MYC: variants seen among roughly 807,000 people sequenced by gnomAD.
MYC encodes the protein myc proto-oncogene protein.
A neutral mutation model predicts 30.5 loss-of-function variants in MYC; 1 was observed. The ratio of observed to expected loss-of-function variants is 0.03; its 90% CI spans 0.01 to 0.16. The LOEUF (loss-of-function observed/expected upper bound fraction) is 0.16. Ranked by LOEUF, MYC falls within the 10% of genes least tolerant of loss-of-function variation. The probability of loss-of-function intolerance (pLI) is 1.00; values close to 1 mark genes in which losing one functional copy is unlikely to be tolerated. For missense variants in MYC, 508 were observed against 589.0 expected (o/e 0.86, Z 1.42); for synonymous variants, 267 against 250.7 (o/e 1.07, Z -0.62).
At chr8:127,737,904 C>T (rs1813626978) in intron 1 of MYC, among the ~76,000 whole-genome samples, 1 of 152,228 alleles carries the variant, frequency 6.6e-6, no homozygotes, top group Non-Finnish European at 1.5e-5. Flanking sequence ...TTCCTCACCG[C>T]CACCTCCCGC....
rs2130108479 is a variant in MYC at position 127,740,980 on chromosome 8, C to G, written c.*22C>G. 6.6e-7 allele frequency: 1 copy of G among 1,526,238 alleles called. No individual in the cohort carries two copies. Among genetic ancestry groups the G allele is most frequent in the Non-Finnish European group, 8.8e-7 (1 of 1,142,546 alleles). The allele number at this position is 1,526,238 out of a possible 1,614,324, so 94.5% of individuals were successfully genotyped here. On this transcript the variant is annotated 3_prime_UTR_variant, in exon 3 of 3. Coordinates refer to ENST00000621592, the MANE Select transcript of MYC (RefSeq NM_002467.6). Reference sequence around the variant, plus strand: ...GTAAGGAAAAGTAAGGAAAACGATTCCTTCTAACAGAAATGTCCTGAGCAA... The same window carrying G: ...GTAAGGAAAAGTAAGGAAAACGATTGCTTCTAACAGAAATGTCCTGAGCAA...
intron 2 of MYC, among the ~76,000 whole-genome samples, chr8:127,739,501 C>A (rs1335777531): frequency 6.6e-6 from 1 of 152,110 alleles, no homozygotes. Flanking sequence ...TGCCTGAGTG[C>A]GGGAGCCAGT....
At position 127,740,823 on chromosome 8, in the gene MYC, C is replaced by A. The variant is rs2130107210; in HGVS notation, c.1230C>A (p.Ile410=). 1 of 1,614,022 alleles carries A rather than the reference C, an allele frequency of 6.2e-7. No homozygotes were observed. Among genetic ancestry groups the A allele is most frequent in the Non-Finnish European group, 8.5e-7 (1 of 1,180,022 alleles). ...ATGAAAAGGCCCCCAAGGTAGTTAT[C>A]CTTAAAAAAGCCACAGCATACATCC... Residue 410 remains isoleucine, a synonymous_variant, in exon 3 of 3, where the codon ATC becomes ATA. Transcript: ENST00000621592.
At chr8:127,737,117 T>G (rs1236079309) in intron 1 of MYC, among the ~76,000 whole-genome samples, 1 of 152,292 alleles carries the variant, frequency 6.6e-6, no homozygotes, top group African/African-American at 2.4e-5. Context: ...ACCGCATTTC[T>G]GACAGCCGGA....
chr8:127,735,856 T>A, upstream of MYC: 1 of 398,756 alleles, frequency 2.5e-6, no homozygotes, highest in East Asian at 3.6e-5. Context: ...CGTAGTTAAT[T>A]CATGCGGCTC....
At position 127,740,948 on chromosome 8, in the gene MYC, C is replaced by CT. The variant is rs1813701187; in HGVS notation, c.1357dup (p.Cys453LeufsTer13). The CT allele has an allele frequency of 6.4e-7, 1 of 1,560,392 alleles. No individual in the cohort carries two copies. Among genetic ancestry groups the CT allele is most frequent in the Non-Finnish European group, 8.6e-7 (1 of 1,157,522 alleles). Reference sequence around the variant, plus strand: ...CACAAACTTGAACAGCTACGGAACTCTTGTGCGTAAGGAAAAGTAAGGAAA... The same window carrying CT: ...CACAAACTTGAACAGCTACGGAACTCTTTGTGCGTAAGGAAAAGTAAGGAAA... On this transcript the variant is annotated frameshift_variant, in exon 3 of 3. Transcript: ENST00000621592. LOFTEE classifies it high-confidence loss of function.
In MYC at chr8:127,741,130, T is replaced by C. The variant is rs1266830942; in HGVS notation, c.*172T>C. 3 of 455,832 alleles carry C rather than the reference T, an allele frequency of 6.6e-6. No homozygotes were observed. The highest frequency in any genetic ancestry group is 1.1e-5 in the Non-Finnish European group (3 of 270,708). 28.2% of individuals were successfully genotyped at this position (455,832 alleles called of 1,614,324 possible). ...AATTGGACTTTGGGCATAAAAGAAC[T>C]TTTTTATGCTTACCATCTTTTTTTT... On this transcript the variant is annotated 3_prime_UTR_variant, in exon 3 of 3. Transcript: ENST00000621592.
chr8:127,736,267 G>GC lies in MYC; in HGVS notation c.-326dup. On this transcript the variant is annotated 5_prime_UTR_variant, in exon 1 of 3. Transcript: ENST00000621592. Reference sequence around the variant, plus strand: ...GTAATTCCAGCGAGAGGCAGAGGGAGCGAGCGGGCGGCCGGCTAGGGTGGA... The same window carrying GC: ...GTAATTCCAGCGAGAGGCAGAGGGAGCCGAGCGGGCGGCCGGCTAGGGTGGA... 1.8e-6 allele frequency: 1 copy of GC among 541,012 alleles called. No homozygotes were observed. The highest frequency in any genetic ancestry group is 2.8e-5 in the South Asian group (1 of 36,090). The allele number at this position is 541,012 out of a possible 1,614,324, so 33.5% of individuals were successfully genotyped here. A position where few individuals can be genotyped will look rare whatever the true frequency, so the allele number is the denominator to read the frequency against.
chr8:127,737,015 G>C (rs971835428), intron 1 of MYC, among the ~76,000 whole-genome samples: 2 of 152,250 alleles, frequency 1.3e-5, no homozygotes, highest in Non-Finnish European at 2.9e-5. Context: ...TGAGCTCCTT[G>C]GAGTAGGGAC....
At chr8:127,740,139 A>G (rs971508196) in intron 2 of MYC, among the ~76,000 whole-genome samples, 1 of 151,884 alleles carries the variant, frequency 6.6e-6, no homozygotes, top group African/African-American at 2.4e-5. Flanking sequence ...TTGTAATTTT[A>G]GTAGAGATGG....
chr8:127,735,452 G>T (rs1813564441), upstream of MYC: 1 of 399,406 alleles, frequency 2.5e-6, no homozygotes, highest in Non-Finnish European at 4.4e-6. Flanking sequence ...TTCATAACGC[G>T]CTCTCCAAGT....
At position 127,737,912 on chromosome 8, in the gene MYC, C is replaced by G. The variant is rs1586588753; in HGVS notation, c.31-336C>G. On this transcript the variant is annotated intron_variant, in intron 1 of 2. Transcript: ENST00000621592. ...AATTGTTTTCCTCACCGCCACCTCC[C>G]GCGGCTTCTTAAGGGCGCCAGGGCC... 4.6e-5 allele frequency among the ~76,000 whole-genome samples: 7 copies of G among 152,356 alleles called. No individual in the cohort carries two copies. In the South Asian group the frequency reaches 1.4e-3, roughly 32 times the overall value.
intron 2 of MYC, 131 bp downstream of exon 2, chr8:127,739,150 C>A: frequency 9.5e-7 from 1 of 1,054,644 alleles, no homozygotes; most frequent in South Asian, 2.2e-5. Context: ...TTTGGGAGCT[C>A]ATCACCTCTG....
chr8:127,741,619 T>C lies in MYC; in HGVS notation c.*661T>C, dbSNP rs1011269784. Among the ~76,000 whole-genome samples the C allele has an allele frequency of 1.3e-5, 2 of 152,100 alleles. No homozygotes were observed. Among genetic ancestry groups the C allele is most frequent in the Non-Finnish European group, 2.9e-5 (2 of 68,004 alleles). On this transcript the variant is annotated 3_prime_UTR_variant, in exon 3 of 3. Transcript: ENST00000621592. ...CTAAGATGCTTCCTGGAGACTATGA[T>C]AACAGCCAGAGTTGACAGTTAGAAG...
Position 127,740,611 on chromosome 8 carries a change from G to T in MYC, c.1018G>T (p.Val340Phe), listed in dbSNP as rs1813694906. 1.2e-6 allele frequency: 2 copies of T among 1,613,934 alleles called. No individual in the cohort carries two copies. The highest frequency in any genetic ancestry group is 1.7e-6 in the Non-Finnish European group (2 of 1,180,028). The change falls in exon 3 of 3, where the codon GTC becomes TTC. Residue 340 changes from valine (V) to phenylalanine (F), a missense_variant. Physicochemically the swap from Val to Phe is conservative, Grantham distance 50. Transcript: ENST00000621592. ...GAAGGACTATCCTGCTGCCAAGAGG[G>T]TCAAGTTGGACAGTGTCAGAGTCCT... is the stretch of plus-strand genomic sequence containing the variant.
At position 127,738,403 on chromosome 8, in the gene MYC, G is replaced by C. The variant is rs1437767389; in HGVS notation, c.186G>C (p.Glu62Asp). 2 of 1,613,782 alleles carry C rather than the reference G, an allele frequency of 1.2e-6. No individual in the cohort carries two copies. Among genetic ancestry groups the C allele is most frequent in the African/African-American group, 1.3e-5 (1 of 74,902 alleles). Residue 62 changes from glutamate to aspartate, a missense_variant, in exon 2 of 3, where the codon GAG becomes GAC. Glu to Asp is a conservative substitution (Grantham distance 45, BLOSUM62 2). Around this residue, in one of 5 missense-constraint regions of MYC, gnomAD observed 70 missense variants for 84.5 expected, o/e 0.83. Transcript: ENST00000621592. The surrounding 1 kb of genome is among the most constrained non-coding windows in gnomAD (Gnocchi z 7.6). ...AGCTGCAGCCCCCGGCGCCCAGCGAGGATATCTGGAAGAAATTCGAGCTGC... is the reference window on the plus strand; with the variant it reads ...AGCTGCAGCCCCCGGCGCCCAGCGACGATATCTGGAAGAAATTCGAGCTGC...
Position 127,741,045 on chromosome 8 carries a change from C to G in MYC, c.*87C>G, listed in dbSNP as rs1813703409. Reference sequence around the variant, plus strand: ...GTTTCAAATGCATGATCAAATGCAACCTCACAACCTTGGCTGAGTCTTGAG... The same window carrying G: ...GTTTCAAATGCATGATCAAATGCAAGCTCACAACCTTGGCTGAGTCTTGAG... On this transcript the variant is annotated 3_prime_UTR_variant, in exon 3 of 3. Coordinates refer to ENST00000621592, the MANE Select transcript of MYC (RefSeq NM_002467.6). 2 of 1,231,610 alleles carry G rather than the reference C, an allele frequency of 1.6e-6. No homozygotes were observed. The highest frequency in any genetic ancestry group is 3.6e-5 in the South Asian group (2 of 55,834). 76.3% of individuals were successfully genotyped at this position (1,231,610 alleles called of 1,614,324 possible). A position where few individuals can be genotyped will look rare whatever the true frequency, so the allele number is the denominator to read the frequency against.
chr8:127,735,984 A>G (rs1341733291), upstream of MYC: 2 of 276,766 alleles, frequency 7.2e-6, no homozygotes, highest in Non-Finnish European at 1.3e-5. Flanking sequence ...CCCAAAGCAG[A>G]GGGCGTGGGG....
At chr8:127,739,096 C>A (rs925669403) in intron 2 of MYC, 77 bp downstream of exon 2, 1 of 1,361,920 alleles carries the variant, frequency 7.3e-7, no homozygotes, top group Non-Finnish European at 9.6e-7. Context: ...GCTTATTTAA[C>A]GGGCCACTCT....
Sources: allele counts gnomAD v4.1 joint callset (sites outside exome capture counted in the v4.1 genomes callset), GRCh38; gene constraint gnomAD v4.1.1; regional missense constraint gnomAD v4.1.1; non-coding constraint Gnocchi (gnomAD v3.1); transcripts MANE v1.5; gene names NCBI Gene and HGNC (gene_info 2026-07-23, HGNC 2026-07-21).